The following CPA4 variants were observed in gnomAD, a reference collection of about 807,000 sequenced individuals.
CPA4 encodes the protein carboxypeptidase A4.
CPA4 carries 49 observed loss-of-function variants against 54.7 expected under a neutral mutation model. The observed-to-expected ratio is 0.90, with a 90% confidence interval of 0.71 to 1.14. The LOEUF (loss-of-function observed/expected upper bound fraction) is 1.14, where lower values mean the gene tolerates loss of function less well. Among genes scored for constraint, CPA4 ranks in the 50% most tolerant of loss-of-function variants. CPA4 has a pLI of 0.00. For missense variants in CPA4, 487 were observed against 525.1 expected, an observed-to-expected ratio of 0.93 and a Z score of 0.71; for synonymous variants, 215 against 206.8, an observed-to-expected ratio of 1.04 and a Z score of -0.34.
intron 7 of CPA4, among the ~76,000 whole-genome samples, chr7:130,307,237 G>A (rs1464301692): frequency 3.0e-5 from 4 of 131,368 alleles, no homozygotes; most frequent in South Asian, 2.4e-4. Flanking sequence ...TCTAACTGAC[G>A]ATAGAAAAAA....
At chr7:130,299,569 C>A (rs1054660397) in intron 3 of CPA4, 165 bp downstream of exon 3, 18 of 625,304 alleles carry the variant, frequency 2.9e-5, no homozygotes, top group Non-Finnish European at 4.4e-5. Context: ...AGAGGAACAA[C>A]ATTTTGTAGT....
At chr7:130,298,700 C>A in intron 1 of CPA4, 46 bp from the exon 2 acceptor site, 2 of 1,180,068 alleles carry the variant, frequency 1.7e-6, no homozygotes, top group Non-Finnish European at 2.5e-6. Context: ...CAGCTGAAAG[C>A]TCATCATTAT....
intron 1 of CPA4, among the ~76,000 whole-genome samples, chr7:130,297,162 C>T (rs1458979345): frequency 1.3e-5 from 2 of 152,112 alleles, no homozygotes; most frequent in Admixed American, 1.3e-4. Flanking sequence ...ACTATTTTGT[C>T]CAGGATGATC....
rs1226009561 is a variant in CPA4, at chr7:130,322,585, T to C, written c.1175T>C (p.Leu392Pro). 3 of 1,614,072 alleles carry C rather than the reference T, an allele frequency of 1.9e-6. No individual in the cohort carries two copies. The highest frequency in any genetic ancestry group is 2.5e-6 in the Non-Finnish European group (3 of 1,180,028). The change falls in exon 11 of 11, where the codon CTC becomes CCC. Residue 392 changes from leucine (L) to proline (P), a missense_variant. By Grantham distance (98) the Leu-to-Pro change is moderately conservative. Coordinates refer to ENST00000222482, the MANE Select transcript of CPA4 (RefSeq NM_016352.4). ...AGAGATACCGGGACCTATGGCTTCC[T>C]CCTGCCAGCTAACCAGATCATCCCC... is the stretch of plus-strand genomic sequence containing the variant. The part of the protein sequence containing the change: ...ELRDTGTYGF[L>P]LPANQIIPTA...
chr7:130,314,520 G>A (rs55783991), intron 10 of CPA4, among the ~76,000 whole-genome samples: 4,777 of 152,304 alleles, frequency 0.031, 108 homozygotes, highest in Middle Eastern at 0.085. Flanking sequence ...CGTAAGCTGA[G>A]GAAGACAGCG....
rs998284047 is a variant in CPA4, at chr7:130,300,569, C to T, written c.286-247C>T. On this transcript the variant is annotated intron_variant, in intron 3 of 10. Coordinates refer to ENST00000222482, the MANE Select transcript of CPA4 (RefSeq NM_016352.4). Reference sequence around the variant, plus strand: ...CAGGATGGTCTCGATCTCCTGACCTCGTGATCCGCCCGCCTCAGCCTCCCA... The same window carrying T: ...CAGGATGGTCTCGATCTCCTGACCTTGTGATCCGCCCGCCTCAGCCTCCCA... Among the ~76,000 whole-genome samples the T allele has an allele frequency of 4.6e-4, 70 of 151,556 alleles. 1 individual carries two copies. Among genetic ancestry groups the T allele is most frequent in the African/African-American group, 1.6e-3 (67 of 41,256 alleles).
At chr7:130,298,896 G>T (rs1454133576) in intron 2 of CPA4, 69 bp downstream of exon 2, 25 of 904,836 alleles carry the variant, frequency 2.8e-5, no homozygotes, top group Non-Finnish European at 3.8e-5. Context: ...TGCTCTACTG[G>T]CATTATTATT....
intron 5 of CPA4, 48 bp from the exon 6 acceptor site, chr7:130,305,768 A>G: frequency 7.6e-7 from 1 of 1,317,662 alleles, no homozygotes; most frequent in Non-Finnish European, 1.1e-6. Context: ...AGAAGTGAGC[A>G]GAGATGCGGG....
intron 6 of CPA4, 143 bp downstream of exon 6, chr7:130,306,063 G>A: frequency 1.5e-6 from 1 of 657,020 alleles, no homozygotes; most frequent in Non-Finnish European, 2.7e-6. Context: ...GATTGGAGAA[G>A]CAAATGGTCA....
rs1190440498 is a variant in CPA4, at chr7:130,310,783, A to G, written c.794-4A>G. The G allele has an allele frequency of 8.1e-6, 13 of 1,613,780 alleles. No homozygotes were observed. The highest frequency in any genetic ancestry group is 1.1e-5 in the Non-Finnish European group (13 of 1,179,682). The stretch of plus-strand genomic sequence containing the variant: ...AATGTTTGTTCTTGGGCTATCCCCA[A>G]CAGGAAAGGGAGCCAGCGACAACCC... On this transcript the variant is annotated splice_region_variant and splice_polypyrimidine_tract_variant and intron_variant, in intron 8 of 10. Transcript: ENST00000222482. This position sits in a 1 kb window ranked among gnomAD's most constrained non-coding sequence, Gnocchi z 4.3.
chr7:130,300,882 T>C lies in CPA4; in HGVS notation c.352T>C (p.Phe118Leu), dbSNP rs972736346. The C allele has an allele frequency of 6.2e-7, 1 of 1,613,542 alleles. No homozygotes were observed. The highest frequency in any genetic ancestry group is 8.5e-7 in the Non-Finnish European group (1 of 1,179,596). ...NEGQERSSNN[F>L]NYGAYHSLEA... Reference sequence around the variant, plus strand: ...AGGGCAAGAACGGAGCAGTAATAACTTCAACTACGGGGCTTACCATTCCCT... The same window carrying C: ...AGGGCAAGAACGGAGCAGTAATAACCTCAACTACGGGGCTTACCATTCCCT... Residue 118 changes from phenylalanine (F) to leucine (L), a missense_variant, in exon 4 of 11, where the codon TTC becomes CTC. Transcript: ENST00000222482.
chr7:130,304,774 G>A lies in CPA4; in HGVS notation c.486+195G>A. The A allele has an allele frequency of 8.3e-6, 5 of 600,506 alleles. No individual in the cohort carries two copies. The South Asian group carries it at 1.0e-4, about 12-fold the overall frequency. 37.2% of individuals were successfully genotyped at this position (600,506 alleles called of 1,614,324 possible). A position where few individuals can be genotyped will look rare whatever the true frequency, so the allele number is the denominator to read the frequency against. ...TCTAATGTAGGGGGAGTTAGAAGGA[G>A]CACATCCCATTCCAAGTTTTGGCTG... is the stretch of plus-strand genomic sequence containing the variant. On this transcript the variant is annotated intron_variant, in intron 5 of 10. Coordinates refer to ENST00000222482, the MANE Select transcript of CPA4 (RefSeq NM_016352.4).
intron 3 of CPA4, 120 bp from the exon 4 acceptor site, chr7:130,300,696 T>C: frequency 1.5e-6 from 1 of 649,780 alleles, no homozygotes; most frequent in South Asian, 2.0e-5. Context: ...TTGACATTTG[T>C]GCTGCTTGAT....
At chr7:130,293,676 T>TTCC (rs1297871236) in intron 1 of CPA4, among the ~76,000 whole-genome samples, 1 of 152,172 alleles carries the variant, frequency 6.6e-6, no homozygotes, top group African/African-American at 2.4e-5. Flanking sequence ...GTCTCAAGCT[T>TTCC]GTTGGTTTCA....
In CPA4 at chr7:130,310,943, C is replaced by T. The variant is rs1163014177; in HGVS notation, c.950C>T (p.Pro317Leu). The change falls in exon 9 of 11, where the codon CCA becomes CTA. Residue 317 changes from proline to leucine, a missense_variant. Coordinates refer to ENST00000222482, the MANE Select transcript of CPA4 (RefSeq NM_016352.4). This position sits in a 1 kb window ranked among gnomAD's most constrained non-coding sequence, Gnocchi z 4.3. Reference protein sequence around the residue: ...LHSYSQLLMYPYGYSVKKAPD... With the variant: ...LHSYSQLLMYLYGYSVKKAPD... ...AGCTACTCGCAGCTGCTGATGTATC[C>T]ATATGGGTACTCAGTCAAAAAGGCC... The T allele has an allele frequency of 6.2e-7, 1 of 1,614,140 alleles. No homozygotes were observed. Among genetic ancestry groups the T allele is most frequent in the Non-Finnish European group, 8.5e-7 (1 of 1,180,030 alleles).
At chr7:130,308,495 T>C (rs1025223290) in intron 8 of CPA4, 98 bp downstream of exon 8, 3 of 906,808 alleles carry the variant, frequency 3.3e-6, no homozygotes, top group Non-Finnish European at 5.4e-6. Flanking sequence ...GTTTCCACTT[T>C]GGTTCCGTTG....
intron 1 of CPA4, chr7:130,293,523 C>A: frequency 2.6e-6 from 1 of 387,832 alleles, no homozygotes; most frequent in Non-Finnish European, 4.7e-6. Flanking sequence ...AAGGTCAGTT[C>A]CAGGCATCTA....
rs10259610 is a variant in CPA4 at position 130,298,871 on chromosome 7, C to G, written c.150+44C>G. ...CTCTCCTGAGTGTTTTCTAACTTTG[C>G]TGGGAGAAGACTCTTGCTCTACTGG... On this transcript the variant is annotated intron_variant, in intron 2 of 10. Coordinates refer to ENST00000222482, the MANE Select transcript of CPA4 (RefSeq NM_016352.4). The G allele has an allele frequency of 0.092, 106,013 of 1,148,450 alleles. 5,907 individuals carry two copies. Among genetic ancestry groups the G allele is most frequent in the African/African-American group, 0.22 (14,734 of 65,628 alleles). 71.1% of individuals were successfully genotyped at this position (1,148,450 alleles called of 1,614,324 possible).
In CPA4 at chr7:130,322,829, C is replaced by T. The variant is rs1257548967; in HGVS notation, c.*153C>T. On this transcript the variant is annotated 3_prime_UTR_variant, in exon 11 of 11. Transcript: ENST00000222482. ...CCCTCTCCAGCCAGCTCCCTGGAGT[C>T]GTGTGTCCTGGCAGTGTCCCTGCAA... 63 of 696,180 alleles carry T rather than the reference C, an allele frequency of 9.0e-5. 1 individual carries two copies. Among genetic ancestry groups the T allele is most frequent in the South Asian group, 7.8e-4 (36 of 46,018 alleles). The allele number at this position is 696,180 out of a possible 1,614,324, so 43.1% of individuals were successfully genotyped here.
Sources: allele counts gnomAD v4.1 joint callset (sites outside exome capture counted in the v4.1 genomes callset), GRCh38; gene constraint gnomAD v4.1.1; non-coding constraint Gnocchi (gnomAD v3.1); transcripts MANE v1.5; gene names NCBI Gene and HGNC (gene_info 2026-07-23, HGNC 2026-07-21).